The following PSPC1 variants were observed in gnomAD, a reference collection of about 807,000 sequenced individuals.
PSPC1 encodes the protein paraspeckle component 1, also known as paraspeckle protein 1.
In PSPC1, 14 loss-of-function variants were observed where a neutral mutation model predicts 51.6. That is an observed-to-expected ratio of 0.27 (90% CI 0.18 to 0.42). The LOEUF (loss-of-function observed/expected upper bound fraction) is 0.42. PSPC1 is among the 10% of genes least tolerant of loss of function. The pLI is 1.00. For synonymous variants in PSPC1, 193 were observed against 231.9 expected (o/e 0.83, Z 1.53); for missense variants, 406 against 701.1 (o/e 0.58, Z 4.75).
intron 1 of PSPC1, among the ~76,000 whole-genome samples, chr13:19,773,533 C>T (rs1185925965): frequency 2.6e-5 from 4 of 152,080 alleles, no homozygotes; most frequent in Admixed American, 1.3e-4. Flanking sequence ...CCACCGCACC[C>T]GGCCTGTTTT....
At chr13:19,780,986 G>A (rs777274143) in intron 1 of PSPC1, among the ~76,000 whole-genome samples, 2 of 151,672 alleles carry the variant, frequency 1.3e-5, no homozygotes, top group Admixed American at 6.6e-5. Flanking sequence ...GCGAAACACC[G>A]CCTCTACAAA....
At position 19,774,840 on chromosome 13, in the gene PSPC1, A is replaced by AAAAG. The variant is rs781410148; in HGVS notation, c.373-2301_373-2298dup. Among the ~76,000 whole-genome samples the AAAAG allele has an allele frequency of 4.4e-3, 670 of 151,272 alleles. 5 individuals carry two copies. The highest frequency in any genetic ancestry group is 0.025 in the South Asian group (118 of 4,784). ...AAAACAAAAAAAAAAAAGAAAAAGA[A>AAAAG]AAAGAAAGAAAGAAAAGCAAACATT... On this transcript the variant is annotated intron_variant, in intron 1 of 8. Coordinates refer to ENST00000338910, the MANE Select transcript of PSPC1 (RefSeq NM_001354909.2).
chr13:19,700,919 TTGAC>T (rs1208634346), downstream of PSPC1, among the ~76,000 whole-genome samples: 4 of 152,090 alleles, frequency 2.6e-5, no homozygotes, highest in Non-Finnish European at 5.9e-5. Context: ...GAAAAAAAAA[TTGAC>T]TGAACCAGCC....
chr13:19,741,743 T>C (rs1885456802), intron 4 of PSPC1, 94 bp from the exon 5 acceptor site: 2 of 705,536 alleles, frequency 2.8e-6, no homozygotes, highest in Middle Eastern at 4.1e-4. Flanking sequence ...TGGCAATATA[T>C]TGGTATATTA....
chr13:19,752,572 T>C (rs1335280722), intron 3 of PSPC1, among the ~76,000 whole-genome samples: 1 of 151,852 alleles, frequency 6.6e-6, no homozygotes, highest in African/African-American at 2.4e-5. Flanking sequence ...AATTTTTTTT[T>C]CACTTTTTTA....
chr13:19,680,091 T>TGCAACCTTCACC (rs1028572928), intron 6 of PSPC1, among the ~76,000 whole-genome samples: 4 of 152,170 alleles, frequency 2.6e-5, no homozygotes, highest in Non-Finnish European at 4.4e-5. Flanking sequence ...CTCGACTCAC[T>TGCAACCTTCACC]GCAACCTTCA....
intron 6 of PSPC1, among the ~76,000 whole-genome samples, chr13:19,687,586 TCTC>T (rs781120381): frequency 1.1e-4 from 16 of 152,264 alleles, no homozygotes; most frequent in Admixed American, 2.6e-4. Context: ...ATCTGCCCTT[TCTC>T]CTCTTTTTAG....
At chr13:19,776,244 T>TAA (rs1889108624) in intron 1 of PSPC1, among the ~76,000 whole-genome samples, 1 of 152,084 alleles carries the variant, frequency 6.6e-6, no homozygotes, top group South Asian at 2.1e-4. Context: ...AGGGATCATG[T>TAA]AAGCCCAGGA....
chr13:19,696,846 A>C (rs2137681453), intron 6 of PSPC1, among the ~76,000 whole-genome samples: 1 of 152,354 alleles, frequency 6.6e-6, no homozygotes, highest in East Asian at 1.9e-4. Flanking sequence ...CTTGTTTCAC[A>C]AAATCTTCAA....
chr13:19,712,442 A>T (rs1881560110), intron 6 of PSPC1, among the ~76,000 whole-genome samples: 1 of 152,178 alleles, frequency 6.6e-6, no homozygotes, highest in African/African-American at 2.4e-5. Context: ...ATCACTTTCT[A>T]GAATAACTTT....
chr13:19,702,842 C>T lies in PSPC1; in HGVS notation c.*333G>A, dbSNP rs1018477270. Reference sequence around the variant, plus strand: ...CTGTTACAGCAAAGTTTAGTAAGACCGTAAGAGAATACCACTAATAACAGT... The same window carrying T: ...CTGTTACAGCAAAGTTTAGTAAGACTGTAAGAGAATACCACTAATAACAGT... On this transcript the variant is annotated 3_prime_UTR_variant, in exon 9 of 9. Transcript: ENST00000338910. 101 of 176,966 alleles carry T rather than the reference C, an allele frequency of 5.7e-4. No homozygotes were observed. The highest frequency in any genetic ancestry group is 2.2e-3 in the African/African-American group (94 of 42,094). The allele number at this position is 176,966 out of a possible 1,614,324, so 11.0% of individuals were successfully genotyped here.
Position 19,702,986 on chromosome 13 carries a change from T to A in PSPC1, c.*189A>T, listed in dbSNP as rs550010204. 2,783 of 477,382 alleles carry A rather than the reference T, an allele frequency of 5.8e-3. 47 individuals are homozygous for A. Among genetic ancestry groups the A allele is most frequent in the African/African-American group, 0.05 (2,541 of 51,236 alleles). 29.6% of individuals were successfully genotyped at this position (477,382 alleles called of 1,614,324 possible). A position where few individuals can be genotyped will look rare whatever the true frequency, so the allele number is the denominator to read the frequency against. ...ATTTCAACATTCAAAATGATGAGCA[T>A]CATTACCATTCTAATCTACAAAGCT... On this transcript the variant is annotated 3_prime_UTR_variant, in exon 9 of 9. Coordinates refer to ENST00000338910, the MANE Select transcript of PSPC1 (RefSeq NM_001354909.2).
At chr13:19,779,279 T>TGG (rs532227764) in intron 1 of PSPC1, among the ~76,000 whole-genome samples, 40 of 32,650 alleles carry the variant, frequency 1.2e-3, no homozygotes, top group East Asian at 7.6e-3. Context: ...GGGAGGGAGG[T>TGG]GGGGGGGGTC....
At chr13:19,712,545 G>GT (rs1881577301) in intron 6 of PSPC1, among the ~76,000 whole-genome samples, 1 of 151,994 alleles carries the variant, frequency 6.6e-6, no homozygotes. Context: ...ATGTATCAAT[G>GT]TACCAAAAAT....
rs199904532 is a variant in PSPC1 at position 19,782,506 on chromosome 13, G to C, written c.252C>G (p.Leu84=). The C allele has an allele frequency of 3.3e-5, 53 of 1,613,536 alleles. No individual in the cohort carries two copies. Among genetic ancestry groups the C allele is most frequent in the Non-Finnish European group, 4.2e-5 (49 of 1,179,754 alleles). ...TGTCGGTGGGCAGATTTCCCACGAA[G>C]AGGCGGCAGCGCTGCGTGTACGTCT... ...GEKTYTQRCR[L]FVGNLPTDIT... The change falls in exon 1 of 9, where the codon CTC becomes CTG. Residue 84 remains leucine, a synonymous_variant. Transcript: ENST00000338910. The surrounding 1 kb of genome is among the most constrained non-coding windows in gnomAD (Gnocchi z 4.5).
At chr13:19,705,427 A>G (rs1880524896) in intron 8 of PSPC1, among the ~76,000 whole-genome samples, 1 of 151,892 alleles carries the variant, frequency 6.6e-6, no homozygotes, top group Admixed American at 6.6e-5. Flanking sequence ...TAGAAGGTGG[A>G]GGTTGCAGCA....
chr13:19,690,602 T>G (rs1878432299), intron 6 of PSPC1, among the ~76,000 whole-genome samples: 1 of 152,218 alleles, frequency 6.6e-6, no homozygotes, highest in Non-Finnish European at 1.5e-5. Context: ...CTGGTCTTCT[T>G]ACTGCTTGGG....
At chr13:19,746,009 G>GTTT (rs1193097882) in intron 4 of PSPC1, among the ~76,000 whole-genome samples, 2 of 104,092 alleles carry the variant, frequency 1.9e-5, no homozygotes, top group Non-Finnish European at 2.1e-5. Context: ...TTTGTTTTTT[G>GTTT]TTTTTTTTTT....
intron 6 of PSPC1, among the ~76,000 whole-genome samples, chr13:19,693,653 G>GT (rs1366243040): frequency 6.6e-6 from 1 of 152,136 alleles, no homozygotes; most frequent in Non-Finnish European, 1.5e-5. Flanking sequence ...GTTATGGATA[G>GT]TATCAAGGTG....
Sources: allele counts gnomAD v4.1 joint callset (sites outside exome capture counted in the v4.1 genomes callset), GRCh38; gene constraint gnomAD v4.1.1; non-coding constraint Gnocchi (gnomAD v3.1); transcripts MANE v1.5; gene names NCBI Gene and HGNC (gene_info 2026-07-23, HGNC 2026-07-21).